The following COL15A1 variants were observed in gnomAD, a reference collection of about 807,000 sequenced individuals.
The protein encoded by COL15A1 is collagen alpha-1(XV) chain.
Under a neutral mutation model 165.9 loss-of-function variants are expected in COL15A1, and 111 were observed. That is an observed-to-expected ratio of 0.67 (90% CI 0.57 to 0.78). COL15A1 has a LOEUF of 0.78. Ranked by LOEUF, COL15A1 falls within the 30% of genes least tolerant of loss-of-function variation. COL15A1 has a pLI of 0.00. For missense variants in COL15A1, 1,745 were observed against 1,789.7 expected (o/e 0.98, Z 0.45); for synonymous variants, 659 against 674.8 (o/e 0.98, Z 0.36).
intron 2 of COL15A1, among the ~76,000 whole-genome samples, chr9:98,969,147 C>T (rs1053335984): frequency 2.0e-5 from 3 of 152,160 alleles, no homozygotes; most frequent in Non-Finnish European, 2.9e-5. Flanking sequence ...GAAGAGAAAA[C>T]TGAGGCCCAG....
rs201734908 is a variant in COL15A1 at position 99,024,268 on chromosome 9, G to GTTTTT, written c.1855-602_1855-598dup. The stretch of plus-strand genomic sequence containing the variant: ...TAAAAACAAGGCTACACCACAAGCA[G>GTTTTT]TTTTTTTTGTTTTTTTGTTTTTTTT... On this transcript the variant is annotated intron_variant, in intron 14 of 41. Coordinates refer to ENST00000375001, the MANE Select transcript of COL15A1 (RefSeq NM_001855.5). Among the ~76,000 whole-genome samples the GTTTTT allele has an allele frequency of 5.8e-3, 755 of 131,302 alleles. 59 individuals are homozygous for GTTTTT. The highest frequency in any genetic ancestry group is 0.019 in the African/African-American group (624 of 32,184). The allele number at this position is 131,302 out of a possible 152,430, so 86.1% of individuals were successfully genotyped here. A position where few individuals can be genotyped will look rare whatever the true frequency, so the allele number is the denominator to read the frequency against.
At chr9:98,983,339 T>G (rs1445231118) in intron 2 of COL15A1, among the ~76,000 whole-genome samples, 1 of 152,156 alleles carries the variant, frequency 6.6e-6, no homozygotes, top group East Asian at 1.9e-4. Flanking sequence ...GGGTCATTGA[T>G]ATAGTAGGCA....
intron 2 of COL15A1, among the ~76,000 whole-genome samples, chr9:98,960,708 A>G (rs1482748458): frequency 1.3e-5 from 2 of 152,170 alleles, no homozygotes; most frequent in East Asian, 3.9e-4. Context: ...TCATCTGTAG[A>G]GTGAGGAAAC....
At chr9:99,013,677 T>A (rs1838882221) in intron 9 of COL15A1, among the ~76,000 whole-genome samples, 1 of 152,210 alleles carries the variant, frequency 6.6e-6, no homozygotes, top group Middle Eastern at 3.4e-3. Context: ...TAATCTCTGG[T>A]ACCCCCAAAA....
intron 11 of COL15A1, among the ~76,000 whole-genome samples, chr9:99,019,240 C>T (rs1263262944): frequency 6.6e-6 from 1 of 152,186 alleles, no homozygotes; most frequent in Non-Finnish European, 1.5e-5. Flanking sequence ...CTTGCCCAGA[C>T]TAGAGTGCAG....
intron 2 of COL15A1, among the ~76,000 whole-genome samples, chr9:98,968,430 G>T (rs1247501668): frequency 2.6e-5 from 4 of 152,204 alleles, no homozygotes; most frequent in Non-Finnish European, 4.4e-5. Flanking sequence ...TCCATTCCTT[G>T]CCACTTTCAG....
At chr9:99,011,315 CTT>C (rs1032396089) in intron 9 of COL15A1, among the ~76,000 whole-genome samples, 33 of 143,448 alleles carry the variant, frequency 2.3e-4, no homozygotes, top group Admixed American at 2.0e-3. Flanking sequence ...CATATGAAAG[CTT>C]TTTTTTTCAT....
chr9:99,054,007 G>T (rs1434622323), intron 31 of COL15A1, among the ~76,000 whole-genome samples: 1 of 152,214 alleles, frequency 6.6e-6, no homozygotes, highest in Non-Finnish European at 1.5e-5. Context: ...TGAGGGGAAA[G>T]GTGGGGATGG....
intron 38 of COL15A1, 69 bp downstream of exon 38, chr9:99,062,373 C>CAG: frequency 8.7e-7 from 1 of 1,149,418 alleles, no homozygotes; most frequent in Non-Finnish European, 1.3e-6. Flanking sequence ...TCCTTGGTAT[C>CAG]TAGCACCAAG....
Position 99,036,081 on chromosome 9 carries a change from A to G in COL15A1, c.2290-89A>G, listed in dbSNP as rs150804102. The G allele has an allele frequency of 4.5e-6, 5 of 1,100,018 alleles. No homozygotes were observed. The East Asian group carries it at 1.2e-4, about 26-fold the overall frequency. 68.1% of individuals were successfully genotyped at this position (1,100,018 alleles called of 1,614,324 possible). A position where few individuals can be genotyped will look rare whatever the true frequency, so the allele number is the denominator to read the frequency against. ...CCATTGCCTGGGACAAAATAAGCAT[A>G]AAAGCTTAGGGGGAGATGGTGAGAC... On this transcript the variant is annotated intron_variant, in intron 19 of 41. Coordinates refer to ENST00000375001, the MANE Select transcript of COL15A1 (RefSeq NM_001855.5).
rs764188489 is a variant in COL15A1 at position 99,064,541 on chromosome 9, T to C, written c.3651+1432T>C. ...TGCAATTACTACGGGGCTGGTTGGA[T>C]TCCCAAAAGAGAATCTATACAGTCA... is the stretch of plus-strand genomic sequence containing the variant. On this transcript the variant is annotated intron_variant, in intron 39 of 41. Coordinates refer to ENST00000375001, the MANE Select transcript of COL15A1 (RefSeq NM_001855.5). 5.1e-4 allele frequency among the ~76,000 whole-genome samples: 78 copies of C among 152,088 alleles called. 1 individual carries two copies. Among genetic ancestry groups the C allele is most frequent in the Admixed American group, 3.8e-3 (58 of 15,264 alleles).
At chr9:99,042,233 C>T (rs1161174905) in intron 24 of COL15A1, 126 bp downstream of exon 24, 1 of 674,950 alleles carries the variant, frequency 1.5e-6, no homozygotes, top group Non-Finnish European at 2.6e-6. Flanking sequence ...TAAAATTCAC[C>T]CCTTTAAATT....
intron 9 of COL15A1, among the ~76,000 whole-genome samples, chr9:99,007,680 G>A (rs934336331): frequency 2.0e-5 from 3 of 152,192 alleles, no homozygotes; most frequent in African/African-American, 7.2e-5. Context: ...ACATCAGTAG[G>A]CAGGTATGAA....
chr9:98,983,657 T>C (rs972285541), intron 2 of COL15A1, among the ~76,000 whole-genome samples: 4 of 152,176 alleles, frequency 2.6e-5, no homozygotes, highest in African/African-American at 9.7e-5. Flanking sequence ...GCTGCAGGCG[T>C]GATTATCCCT....
intron 21 of COL15A1, among the ~76,000 whole-genome samples, chr9:99,036,684 C>A (rs1423131629): frequency 6.6e-6 from 1 of 152,228 alleles, no homozygotes; most frequent in Non-Finnish European, 1.5e-5. Context: ...CCCAGATAAG[C>A]AGTGCACACT....
intron 2 of COL15A1, among the ~76,000 whole-genome samples, chr9:98,972,486 G>A (rs1838076309): frequency 6.6e-6 from 1 of 152,210 alleles, no homozygotes; most frequent in African/African-American, 2.4e-5. Context: ...ATTTGGAACA[G>A]TAATTTAAGC....
intron 2 of COL15A1, among the ~76,000 whole-genome samples, chr9:98,972,184 T>C (rs982232116): frequency 6.6e-6 from 1 of 152,126 alleles, no homozygotes; most frequent in Non-Finnish European, 1.5e-5. Context: ...CGAGGTGATC[T>C]GTGGAAAGGC....
At chr9:98,971,760 A>T (rs905155904) in intron 2 of COL15A1, among the ~76,000 whole-genome samples, 8 of 152,210 alleles carry the variant, frequency 5.3e-5, no homozygotes, top group Admixed American at 6.5e-5. Context: ...GCACGTGGGC[A>T]TGTGTGAAGG....
intron 4 of COL15A1, among the ~76,000 whole-genome samples, chr9:98,988,505 C>T (rs531083219): frequency 6.6e-6 from 1 of 152,258 alleles, no homozygotes; most frequent in African/African-American, 2.4e-5. Context: ...CGCAAGATTC[C>T]AATGACAGCC....
Sources: allele counts gnomAD v4.1 joint callset (sites outside exome capture counted in the v4.1 genomes callset), GRCh38; gene constraint gnomAD v4.1.1; transcripts MANE v1.5; gene names NCBI Gene and HGNC (gene_info 2026-07-23, HGNC 2026-07-21).